Variants in IL1RAPL1 observed in about 807,000 individuals in gnomAD.
The protein encoded by IL1RAPL1 is interleukin-1 receptor accessory protein-like 1.
A neutral mutation model predicts 48.4 loss-of-function variants in IL1RAPL1; 3 were observed. That is an observed-to-expected ratio of 0.06 (90% CI 0.03 to 0.16). IL1RAPL1 has a LOEUF of 0.16. Ranked by LOEUF, IL1RAPL1 falls within the 10% of genes least tolerant of loss-of-function variation. The pLI, the probability that IL1RAPL1 is intolerant of heterozygous loss-of-function variation, is 1.00. For missense variants in IL1RAPL1, 349 were observed against 530.6 expected, an observed-to-expected ratio of 0.66 and a Z score of 3.36; for synonymous variants, 185 against 187.7, an observed-to-expected ratio of 0.99 and a Z score of 0.12.
intron 2 of IL1RAPL1, among the ~76,000 whole-genome samples, chrX:29,221,630 C>T (rs1315929968): frequency 3.1e-4 from 11 of 35,533 alleles, no homozygotes; most frequent in East Asian, 8.7e-4. Context: ...TACACACACA[C>T]ACACACACAC....
intron 5 of IL1RAPL1, among the ~76,000 whole-genome samples, chrX:29,424,924 T>C (rs1449072020): frequency 8.9e-6 from 1 of 112,066 alleles, no homozygotes; most frequent in Middle Eastern, 4.2e-3. Flanking sequence ...AACTATCAGT[T>C]CATTTAATCT....
intron 6 of IL1RAPL1, among the ~76,000 whole-genome samples, chrX:29,868,615 C>G (rs1931743877): frequency 8.9e-6 from 1 of 112,337 alleles, no homozygotes; most frequent in South Asian, 3.6e-4. Context: ...AATCAGCTAA[C>G]AAACAGACAG....
chrX:29,602,335 G>T lies in IL1RAPL1; in HGVS notation c.704-66095G>T, dbSNP rs73219674. On this transcript the variant is annotated intron_variant, in intron 5 of 10. Transcript: ENST00000378993. ...TGCTCTTCACATTAGAGGCCAATTT[G>T]CCCAAATAGCAGAGATGCTATATCT... Among the ~76,000 whole-genome samples, 773 of 111,570 alleles carry T rather than the reference G, an allele frequency of 6.9e-3. 7 individuals carry two copies. The highest frequency in any genetic ancestry group is 0.012 in the Non-Finnish European group (634 of 53,103).
At chrX:29,154,306 G>A (rs187274017) in intron 2 of IL1RAPL1, among the ~76,000 whole-genome samples, 92 of 111,525 alleles carry the variant, frequency 8.2e-4, no homozygotes, top group African/African-American at 2.6e-3. Flanking sequence ...TTGGGAGGCC[G>A]AGGCGGGTGG....
At chrX:29,401,017 A>G (rs971259281) in intron 5 of IL1RAPL1, among the ~76,000 whole-genome samples, 21 of 111,664 alleles carry the variant, frequency 1.9e-4, no homozygotes, top group Admixed American at 1.7e-3. Context: ...AGTATCATGG[A>G]TACTGAACAC....
intron 3 of IL1RAPL1, among the ~76,000 whole-genome samples, chrX:29,320,240 A>G (rs903069834): frequency 4.5e-5 from 5 of 111,837 alleles, no homozygotes; most frequent in African/African-American, 1.6e-4. Flanking sequence ...TTCTATGTGC[A>G]TATGTACATT....
At chrX:29,812,221 T>C (rs972614519) in intron 6 of IL1RAPL1, among the ~76,000 whole-genome samples, 2 of 112,317 alleles carry the variant, frequency 1.8e-5, no homozygotes, top group African/African-American at 6.5e-5. Context: ...TTCATAAAGA[T>C]TCGAAGAGAA....
intron 2 of IL1RAPL1, among the ~76,000 whole-genome samples, chrX:29,141,950 A>C (rs1399099147): frequency 1.1e-5 from 1 of 94,397 alleles, no homozygotes; most frequent in Non-Finnish European, 2.0e-5. Context: ...TGAAGGGAGA[A>C]TATTGTAGTA....
intron 6 of IL1RAPL1, among the ~76,000 whole-genome samples, chrX:29,709,155 C>T (rs1371455564): frequency 8.9e-6 from 1 of 111,979 alleles, no homozygotes; most frequent in Non-Finnish European, 1.9e-5. Flanking sequence ...GCAATCCTAT[C>T]TGTCTTGTTT....
chrX:29,095,017 A>G (rs1928184255), intron 2 of IL1RAPL1, among the ~76,000 whole-genome samples: 1 of 109,402 alleles, frequency 9.1e-6, no homozygotes, highest in Non-Finnish European at 1.9e-5. Context: ...AGAATTTCAC[A>G]TTCATGTATC....
intron 2 of IL1RAPL1, among the ~76,000 whole-genome samples, chrX:29,175,003 G>A (rs1055601117): frequency 9.3e-6 from 1 of 107,464 alleles, no homozygotes; most frequent in Non-Finnish European, 1.9e-5. Flanking sequence ...GAACCCGGGA[G>A]GCGGAGCTTG....
At position 29,443,051 on chromosome X, in the gene IL1RAPL1, C is replaced by T. The variant is rs776847504; in HGVS notation, c.703+43743C>T. Among the ~76,000 whole-genome samples, 8 of 110,717 alleles carry T rather than the reference C, an allele frequency of 7.2e-5. No individual in the cohort carries two copies. In the South Asian group the frequency reaches 2.7e-3, roughly 37 times the overall value. ...CTATTTTCATTGTACAGAGCAATCC[C>T]CACCATTATACGATGAAACCTTAGC... On this transcript the variant is annotated intron_variant, in intron 5 of 10. Transcript: ENST00000378993.
intron 1 of IL1RAPL1, among the ~76,000 whole-genome samples, chrX:28,609,664 A>ACACACACACACAC (rs1569137648): frequency 1.4e-5 from 1 of 70,651 alleles, no homozygotes; most frequent in African/African-American, 5.3e-5. Context: ...CACACACACA[A>ACACACACACACAC]CATACCTACC....
intron 6 of IL1RAPL1, among the ~76,000 whole-genome samples, chrX:29,860,496 GCTATCCCTCCC>G (rs1287388635): frequency 9.0e-6 from 1 of 110,773 alleles, no homozygotes; most frequent in African/African-American, 3.3e-5. Context: ...TTCTCCTAAT[GCTATCCCTCCC>G]CTATCCCTCC....
At chrX:29,803,349 GTATACATGTATACACATATGTATATA>G (rs1930129875) in intron 6 of IL1RAPL1, among the ~76,000 whole-genome samples, 3 of 77,423 alleles carry the variant, frequency 3.9e-5, no homozygotes, top group Non-Finnish European at 4.8e-5. Flanking sequence ...ATGTATATAT[GTATACATGTATACACATATGTATATA>G]TGTATACATG....
intron 2 of IL1RAPL1, among the ~76,000 whole-genome samples, chrX:28,832,060 A>G (rs945006047): frequency 1.8e-5 from 2 of 111,256 alleles, no homozygotes; most frequent in African/African-American, 6.5e-5. Context: ...TCGTCAGCGT[A>G]ATTAGCAAAT....
chrX:28,957,832 G>A lies in IL1RAPL1; in HGVS notation c.82+168407G>A, dbSNP rs745830996. Among the ~76,000 whole-genome samples, 465 of 109,249 alleles carry A rather than the reference G, an allele frequency of 4.3e-3. 4 individuals are homozygous for A. Among genetic ancestry groups the A allele is most frequent in the African/African-American group, 0.015 (437 of 30,030 alleles). 94.9% of individuals were successfully genotyped at this position (109,249 alleles called of 115,157 possible). Reference sequence around the variant, plus strand: ...AAATTAGCTGGGTGTGGTGGTGGGCGCCTGTAATCCCAGCTACTCAGGAGG... The same window carrying A: ...AAATTAGCTGGGTGTGGTGGTGGGCACCTGTAATCCCAGCTACTCAGGAGG... On this transcript the variant is annotated intron_variant, in intron 2 of 10. Transcript: ENST00000378993.
At chrX:28,894,261 GT>G (rs1005200804) in intron 2 of IL1RAPL1, among the ~76,000 whole-genome samples, 2 of 112,016 alleles carry the variant, frequency 1.8e-5, no homozygotes, top group African/African-American at 6.5e-5. Context: ...TTGTTGAGAG[GT>G]AGTGGAGGAG....
At chrX:29,443,502 G>A (rs754663567) in intron 5 of IL1RAPL1, among the ~76,000 whole-genome samples, 1 of 111,086 alleles carries the variant, frequency 9.0e-6, no homozygotes, top group Non-Finnish European at 1.9e-5. Context: ...TAATGCAAAA[G>A]AGGAATTTCT....
Sources: gnomAD v4.1 joint callset for allele counts (sites outside exome capture counted in the v4.1 genomes callset) on GRCh38, gnomAD v4.1.1 for gene constraint, MANE v1.5 for transcripts, NCBI Gene and HGNC (gene_info 2026-07-23, HGNC 2026-07-21) for gene names.